The following CNTN5 variants were observed in gnomAD, a reference collection of about 807,000 sequenced individuals.
CNTN5 encodes contactin-5.
A neutral mutation model predicts 129.1 loss-of-function variants in CNTN5; 77 were observed. That is an observed-to-expected ratio of 0.60 (90% CI 0.50 to 0.72). CNTN5 has a LOEUF of 0.72. Ranked by LOEUF, CNTN5 falls within the 30% of genes least tolerant of loss-of-function variation. CNTN5 has a pLI of 0.00. For missense variants in CNTN5, 1,478 were observed against 1,328.8 expected (o/e 1.11, Z -1.75); for synonymous variants, 509 against 465.6 (o/e 1.09, Z -1.20).
chr11:100,343,816 C>T (rs769355523), intron 23 of CNTN5, among the ~76,000 whole-genome samples: 6 of 152,030 alleles, frequency 3.9e-5, no homozygotes, highest in Non-Finnish European at 7.4e-5. Flanking sequence ...CCTACTACAT[C>T]CCAAAAATTA....
intron 2 of CNTN5, among the ~76,000 whole-genome samples, chr11:99,332,765 T>G (rs935651426): frequency 6.6e-6 from 1 of 152,056 alleles, no homozygotes; most frequent in Admixed American, 6.6e-5. Flanking sequence ...CTGCAGCTAA[T>G]GTATGGTAAA....
rs557104637 is a variant in CNTN5, at chr11:99,877,380, T to A, written c.577+32118T>A. The stretch of plus-strand genomic sequence containing the variant: ...TGGAAATTTTGTTTCTGAATTCAGG[T>A]CCAGTATATCAACAGTGACATATGC... On this transcript the variant is annotated intron_variant, in intron 6 of 24. Transcript: ENST00000524871. Among the ~76,000 whole-genome samples the A allele has an allele frequency of 2.9e-4, 44 of 152,284 alleles. 1 individual carries two copies. The South Asian group carries it at 8.3e-3, about 29-fold the overall frequency.
At chr11:100,247,785 A>AT (rs1371092156) in intron 16 of CNTN5, among the ~76,000 whole-genome samples, 1 of 118,470 alleles carries the variant, frequency 8.4e-6, no homozygotes, top group Non-Finnish European at 1.9e-5. Context: ...ATTAAATATT[A>AT]TTTTTTATTG....
chr11:100,123,912 AT>A (rs1946103131), intron 13 of CNTN5, among the ~76,000 whole-genome samples: 1 of 152,024 alleles, frequency 6.6e-6, no homozygotes, highest in Admixed American at 6.6e-5. Context: ...GGAAATTACT[AT>A]GTCATCATCA....
intron 18 of CNTN5, among the ~76,000 whole-genome samples, chr11:100,296,623 G>A (rs1401442160): frequency 6.6e-6 from 1 of 151,512 alleles, no homozygotes; most frequent in African/African-American, 2.4e-5. Context: ...TATTTCAATG[G>A]AGCCAATTAT....
chr11:99,075,649 CTTTA>C (rs1438039963), intron 1 of CNTN5, among the ~76,000 whole-genome samples: 1 of 152,076 alleles, frequency 6.6e-6, no homozygotes, highest in Non-Finnish European at 1.5e-5. Context: ...TATTTAGCAA[CTTTA>C]TTTCCTTCTT....
chr11:100,280,250 G>C (rs574206251), intron 18 of CNTN5, among the ~76,000 whole-genome samples: 1 of 151,872 alleles, frequency 6.6e-6, no homozygotes, highest in Non-Finnish European at 1.5e-5. Flanking sequence ...TGTCTGGAAG[G>C]TCTGTCTAGT....
At chr11:99,406,994 G>A (rs911457777) in intron 2 of CNTN5, among the ~76,000 whole-genome samples, 1 of 151,848 alleles carries the variant, frequency 6.6e-6, no homozygotes, top group Non-Finnish European at 1.5e-5. Context: ...CCATCCAATA[G>A]CCATGTCCTA....
In CNTN5 at chr11:99,189,515, G is replaced by A. The variant is rs114412664; in HGVS notation, c.-209-135831G>A. Reference sequence around the variant, plus strand: ...AAATTCCTACCAACACTATGCAAAGGTTTCCATTTCTCCATATCCGTGTCA... The same window carrying A: ...AAATTCCTACCAACACTATGCAAAGATTTCCATTTCTCCATATCCGTGTCA... On this transcript the variant is annotated intron_variant, in intron 1 of 24. Transcript: ENST00000524871. Among the ~76,000 whole-genome samples, 583 of 151,574 alleles carry A rather than the reference G, an allele frequency of 3.8e-3. 1 individual carries two copies. Among genetic ancestry groups the A allele is most frequent in the African/African-American group, 0.013 (538 of 41,462 alleles).
At chr11:99,906,763 C>G (rs1160207553) in intron 6 of CNTN5, among the ~76,000 whole-genome samples, 1 of 152,138 alleles carries the variant, frequency 6.6e-6, no homozygotes. Context: ...GGCTGTGAAT[C>G]CATCTGATCC....
Position 99,926,332 on chromosome 11 carries a change from G to C in CNTN5, c.673+10183G>C, listed in dbSNP as rs150948887. On this transcript the variant is annotated intron_variant, in intron 7 of 24. Transcript: ENST00000524871. ...TAAGAAGGGGAAGGGATCAAGAAAA[G>C]GAAAAATGAATCCTGACAGTTAAGT... 4.6e-3 allele frequency among the ~76,000 whole-genome samples: 700 copies of C among 152,098 alleles called. 7 individuals carry two copies. The highest frequency in any genetic ancestry group is 0.016 in the African/African-American group (656 of 41,504).
chr11:99,502,983 C>T (rs1188336543), intron 2 of CNTN5, among the ~76,000 whole-genome samples: 1 of 152,068 alleles, frequency 6.6e-6, no homozygotes, highest in Non-Finnish European at 1.5e-5. Flanking sequence ...TTACAATTTC[C>T]CAAACTTTTA....
chr11:100,243,570 A>G (rs1275913924), intron 16 of CNTN5, among the ~76,000 whole-genome samples: 1 of 152,130 alleles, frequency 6.6e-6, no homozygotes, highest in Non-Finnish European at 1.5e-5. Context: ...CACCAGCTAC[A>G]CCTAATTAAA....
At chr11:99,796,986 G>T (rs766411042) in intron 3 of CNTN5, among the ~76,000 whole-genome samples, 2 of 152,122 alleles carry the variant, frequency 1.3e-5, no homozygotes, top group African/African-American at 4.8e-5. Context: ...GAGTCTTTGG[G>T]TGCCAGGAAT....
chr11:99,347,539 C>A (rs1188589161), intron 2 of CNTN5, among the ~76,000 whole-genome samples: 1 of 152,110 alleles, frequency 6.6e-6, no homozygotes, highest in African/African-American at 2.4e-5. Context: ...CATATCATAT[C>A]ACTTTTCTTA....
intron 2 of CNTN5, among the ~76,000 whole-genome samples, chr11:99,396,992 G>A (rs1424803550): frequency 6.6e-6 from 1 of 151,620 alleles, no homozygotes; most frequent in East Asian, 1.9e-4. Flanking sequence ...TGAGAAAATG[G>A]AGCATCTCAA....
At chr11:99,805,218 A>T (rs1383275399) in intron 3 of CNTN5, among the ~76,000 whole-genome samples, 2 of 152,122 alleles carry the variant, frequency 1.3e-5, no homozygotes, top group Non-Finnish European at 2.9e-5. Flanking sequence ...TCTGGGCAAA[A>T]ATTAGGAAAA....
chr11:100,309,893 G>T (rs1951436576), intron 21 of CNTN5, among the ~76,000 whole-genome samples: 1 of 151,758 alleles, frequency 6.6e-6, no homozygotes, highest in Admixed American at 6.6e-5. Flanking sequence ...TGCTTGGAAA[G>T]TGACCTCGCC....
At chr11:100,000,981 C>T (rs939529611) in intron 8 of CNTN5, among the ~76,000 whole-genome samples, 1 of 152,148 alleles carries the variant, frequency 6.6e-6, no homozygotes, top group Non-Finnish European at 1.5e-5. Flanking sequence ...CCCAGGCTGG[C>T]CATGGAACCA....
Sources: gnomAD v4.1 joint callset for allele counts (sites outside exome capture counted in the v4.1 genomes callset) on GRCh38, gnomAD v4.1.1 for gene constraint, MANE v1.5 for transcripts, NCBI Gene and HGNC (gene_info 2026-07-23, HGNC 2026-07-21) for gene names.